The following MYO9B variants were observed in gnomAD, a reference collection of about 807,000 sequenced individuals.
MYO9B encodes unconventional myosin-IXb.
Under a neutral mutation model 229.5 loss-of-function variants are expected in MYO9B, and 71 were observed. The ratio of observed to expected loss-of-function variants is 0.31; its 90% CI spans 0.26 to 0.38. MYO9B has a LOEUF of 0.38. Ranked by LOEUF, MYO9B falls within the 10% of genes least tolerant of loss-of-function variation. The probability of loss-of-function intolerance (pLI) is 1.00; values close to 1 mark genes in which losing one functional copy is unlikely to be tolerated. For synonymous variants in MYO9B, 1,185 were observed against 1,235.8 expected (o/e 0.96, Z 0.86); for missense variants, 2,255 against 2,920.5 (o/e 0.77, Z 5.25).
At chr19:17,149,231 G>GC (rs1161028714) in intron 3 of MYO9B, among the ~76,000 whole-genome samples, 6 of 152,034 alleles carry the variant, frequency 3.9e-5, no homozygotes, top group Non-Finnish European at 8.8e-5. Context: ...TTCCACCTTG[G>GC]CCCCCCAAAG....
intron 36 of MYO9B, 106 bp from the exon 37 acceptor site, chr19:17,210,227 G>A (rs2073210536): frequency 8.4e-7 from 1 of 1,197,116 alleles, no homozygotes; most frequent in Non-Finnish European, 1.1e-6. Flanking sequence ...GGCTCCTGTG[G>A]GAACCAGGGA....
At chr19:17,205,897 C>G (rs764840446) in intron 31 of MYO9B, 63 bp from the exon 32 acceptor site, 682 of 1,477,192 alleles carry the variant, frequency 4.6e-4, no homozygotes, top group Non-Finnish European at 5.8e-4. Context: ...GCAGAGGCCC[C>G]CAGAGACAGC....
At chr19:17,144,884 C>T (rs1019269078) in intron 2 of MYO9B, among the ~76,000 whole-genome samples, 3 of 150,398 alleles carry the variant, frequency 2.0e-5, no homozygotes, top group African/African-American at 4.9e-5. Context: ...CCAGGAGAAC[C>T]GCTTGAACTC....
In MYO9B at chr19:17,090,408, C is replaced by T. The variant is rs550904473; in HGVS notation, c.-58-11252C>T. ...TCAAGCGGTCTGCCGGCCTTGGCCT[C>T]GCAAAGTGCTGAGATTAGAGGCGTG... On this transcript the variant is annotated intron_variant, in intron 1 of 39. Coordinates refer to ENST00000682292, the MANE Select transcript of MYO9B (RefSeq NM_004145.4). Among the ~76,000 whole-genome samples the T allele has an allele frequency of 1.2e-4, 18 of 152,286 alleles. No individual in the cohort carries two copies. In the East Asian group the frequency reaches 1.7e-3, roughly 15 times the overall value.
chr19:17,209,653 C>T lies in MYO9B; in HGVS notation c.5692C>T (p.Leu1898=). The T allele has an allele frequency of 6.2e-7, 1 of 1,612,124 alleles. No homozygotes were observed. Among genetic ancestry groups the T allele is most frequent in the Non-Finnish European group, 8.5e-7 (1 of 1,179,110 alleles). Reference sequence around the variant, plus strand: ...AGTGAAGATGGAGGAGATCAGCCAACTGGAGGCTGCAGAGAGTATCGCCTT... The same window carrying T: ...AGTGAAGATGGAGGAGATCAGCCAATTGGAGGCTGCAGAGAGTATCGCCTT... ...YKVKMEEISQ[L]EAAESIAFRR... is the part of the protein sequence containing the mutation. The change falls in exon 36 of 40, where the codon CTG becomes TTG. Residue 1898 remains leucine (L), a synonymous_variant. Transcript: ENST00000682292.
intron 13 of MYO9B, among the ~76,000 whole-genome samples, chr19:17,175,203 T>C (rs1180792458): frequency 6.7e-6 from 1 of 149,146 alleles, no homozygotes; most frequent in African/African-American, 2.5e-5. Context: ...AGCCCAGGAG[T>C]TGGAGGTTAC....
chr19:17,100,088 C>G (rs962709454), intron 1 of MYO9B, among the ~76,000 whole-genome samples: 7 of 150,710 alleles, frequency 4.6e-5, no homozygotes, highest in African/African-American at 1.2e-4. Flanking sequence ...TGCCACTGCA[C>G]TAGAGCCTGG....
chr19:17,184,567 G>A (rs1048123226), intron 16 of MYO9B: 24 of 335,574 alleles, frequency 7.2e-5, no homozygotes, highest in Middle Eastern at 9.1e-4. Context: ...GGACGGCCAG[G>A]TTCAGTAGCA....
At chr19:17,187,307 C>T (rs749146674) in intron 18 of MYO9B, among the ~76,000 whole-genome samples, 32 of 152,194 alleles carry the variant, frequency 2.1e-4, no homozygotes, top group African/African-American at 7.5e-4. Flanking sequence ...GGGCTTTGTC[C>T]GCCCCATCAC....
At chr19:17,150,711 G>T (rs1222484651) in intron 3 of MYO9B, among the ~76,000 whole-genome samples, 2 of 141,626 alleles carry the variant, frequency 1.4e-5, no homozygotes, top group African/African-American at 2.4e-5. Context: ...CCAAGCCTTG[G>T]CTCCTTGTCC....
At chr19:17,209,830 G>T (rs1400177607) in intron 36 of MYO9B, 121 bp downstream of exon 36, 2 of 1,247,950 alleles carry the variant, frequency 1.6e-6, no homozygotes, top group African/African-American at 1.5e-5. Context: ...GGTGGGCGGG[G>T]CCTTGGGTGG....
rs2072937148 is a variant in MYO9B at position 17,187,925 on chromosome 19, C to G, written c.2578-10C>G. The G allele has an allele frequency of 1.7e-5, 27 of 1,570,456 alleles. No individual in the cohort carries two copies. The highest frequency in any genetic ancestry group is 2.3e-5 in the Non-Finnish European group (27 of 1,157,616). ...GGCCACCTGCCTGATGTCTCGCATT[C>G]CCATTTCAGAAAGAGCTGTGCTTTG... On this transcript the variant is annotated splice_polypyrimidine_tract_variant and intron_variant, in intron 18 of 39. Transcript: ENST00000682292.
chr19:17,097,628 C>G (rs2057705433), intron 1 of MYO9B, among the ~76,000 whole-genome samples: 1 of 152,140 alleles, frequency 6.6e-6, no homozygotes, highest in Non-Finnish European at 1.5e-5. Flanking sequence ...CAGCCTTCTT[C>G]CCTGTCGCCA....
intron 11 of MYO9B, among the ~76,000 whole-genome samples, chr19:17,169,646 C>G (rs2072699384): frequency 6.6e-6 from 1 of 152,054 alleles, no homozygotes; most frequent in Admixed American, 6.6e-5. Context: ...CCTCCAGAGG[C>G]TCCAAGGGAG....
chr19:17,090,006 C>T (rs1386365512), intron 1 of MYO9B, among the ~76,000 whole-genome samples: 1 of 150,928 alleles, frequency 6.6e-6, no homozygotes, highest in South Asian at 2.1e-4. Flanking sequence ...GCATTCTGGA[C>T]ATTTCTATAA....
chr19:17,199,246 C>T (rs1478665363), intron 24 of MYO9B, among the ~76,000 whole-genome samples: 1 of 151,940 alleles, frequency 6.6e-6, no homozygotes, highest in Non-Finnish European at 1.5e-5. Flanking sequence ...GAGCTAGGCG[C>T]ATGGCTTGTA....
chr19:17,093,905 G>A (rs2057663526), intron 1 of MYO9B, among the ~76,000 whole-genome samples: 1 of 139,966 alleles, frequency 7.1e-6, no homozygotes, highest in Non-Finnish European at 1.6e-5. Flanking sequence ...ACTTTGTAGA[G>A]TTACCTAGTT....
chr19:17,129,128 G>A (rs2072162595), intron 2 of MYO9B, among the ~76,000 whole-genome samples: 2 of 152,152 alleles, frequency 1.3e-5, no homozygotes, highest in South Asian at 2.1e-4. Flanking sequence ...ACCGGGCATG[G>A]TGGCTCACAC....
Position 17,175,172 on chromosome 19 carries a change from C to T in MYO9B, c.2141-491C>T, listed in dbSNP as rs117092086. On this transcript the variant is annotated intron_variant, in intron 13 of 39. Coordinates refer to ENST00000682292, the MANE Select transcript of MYO9B (RefSeq NM_004145.4). ...CCTGTAGCCCCAGCTACTTGGGAGG[C>T]TGAAGTAGGAGGATTGCTTGAGCCC... is the stretch of plus-strand genomic sequence containing the variant. Among the ~76,000 whole-genome samples, 1,346 of 150,726 alleles carry T rather than the reference C, an allele frequency of 8.9e-3. 59 individuals are homozygous for T. The East Asian group carries it at 0.09, about 10-fold the overall frequency.
Sources: gnomAD v4.1 joint callset for allele counts (sites outside exome capture counted in the v4.1 genomes callset) on GRCh38, gnomAD v4.1.1 for gene constraint, MANE v1.5 for transcripts, NCBI Gene and HGNC (gene_info 2026-07-23, HGNC 2026-07-21) for gene names.